The following NAV3 variants were observed in gnomAD, a reference collection of about 807,000 sequenced individuals.
NAV3 encodes pore membrane and/or filament interacting like protein 1.
NAV3 carries 87 observed loss-of-function variants against 244.7 expected under a neutral mutation model. The ratio of observed to expected loss-of-function variants is 0.36; its 90% confidence interval spans 0.30 to 0.42. NAV3 has a LOEUF of 0.42. Ranked by LOEUF, NAV3 falls within the 20% of genes least tolerant of loss-of-function variation. The probability of loss-of-function intolerance (pLI) is 1.00; values close to 1 mark genes in which losing one functional copy is unlikely to be tolerated. For missense variants in NAV3, 2,663 were observed against 2,893.3 expected, an observed-to-expected ratio of 0.92 and a Z score of 1.83; for synonymous variants, 1,126 against 1,042.2, an observed-to-expected ratio of 1.08 and a Z score of -1.55.
At chr12:78,009,157 A>G (rs1036532094) in intron 8 of NAV3, among the ~76,000 whole-genome samples, 6 of 152,194 alleles carry the variant, frequency 3.9e-5, no homozygotes, top group Non-Finnish European at 7.3e-5. Flanking sequence ...TTGAAAATGT[A>G]ACTTTTAAAT....
chr12:78,204,831 T>G (rs938285723), intron 38 of NAV3, 104 bp from the exon 39 acceptor site: 1 of 968,082 alleles, frequency 1.0e-6, no homozygotes, highest in African/African-American at 1.6e-5. Flanking sequence ...TGAAAGTCCC[T>G]TAAGAACTCA....
chr12:78,196,793 G>A (rs1959181274), intron 34 of NAV3, among the ~76,000 whole-genome samples: 1 of 151,684 alleles, frequency 6.6e-6, no homozygotes, highest in Admixed American at 6.6e-5. Flanking sequence ...AAATATTAGT[G>A]GAACCTGAGA....
Position 77,961,073 on chromosome 12 carries a change from A to G in NAV3, c.415-5156A>G, listed in dbSNP as rs546589053. On this transcript the variant is annotated intron_variant, in intron 3 of 39. Coordinates refer to ENST00000397909, the MANE Select transcript of NAV3 (RefSeq NM_001024383.2). ...GTATATGTTGCATGTATACGCATATATGTATATATGTATATGTTACATGTA... is the reference window on the plus strand; with the variant it reads ...GTATATGTTGCATGTATACGCATATGTGTATATATGTATATGTTACATGTA... 1.4e-5 allele frequency among the ~76,000 whole-genome samples: 2 copies of G among 146,238 alleles called. 1 individual carries two copies.
chr12:78,206,067 G>A (rs958283754), intron 39 of NAV3, among the ~76,000 whole-genome samples: 2 of 151,994 alleles, frequency 1.3e-5, no homozygotes, highest in African/African-American at 4.8e-5. Context: ...GGAGTTTCTT[G>A]TGGAAAACCT....
chr12:77,960,164 G>A (rs1891755718), intron 3 of NAV3, among the ~76,000 whole-genome samples: 1 of 151,864 alleles, frequency 6.6e-6, no homozygotes, highest in African/African-American at 2.4e-5. Flanking sequence ...CAGAGGAGAG[G>A]CTTAGGATGC....
At chr12:78,002,573 G>A (rs1217957164) in intron 7 of NAV3, among the ~76,000 whole-genome samples, 3 of 152,086 alleles carry the variant, frequency 2.0e-5, no homozygotes, top group African/African-American at 7.2e-5. Flanking sequence ...CTAAAACATA[G>A]ATGTCTAGCT....
At chr12:77,679,323 A>G (rs879699619) in intron 2 of NAV3, among the ~76,000 whole-genome samples, 2 of 152,194 alleles carry the variant, frequency 1.3e-5, no homozygotes, top group African/African-American at 2.4e-5. Context: ...GTTTAAAAGG[A>G]TGTGGTGCTG....
intron 2 of NAV3, among the ~76,000 whole-genome samples, chr12:77,710,506 C>T (rs1042724563): frequency 7.2e-5 from 11 of 152,044 alleles, no homozygotes; most frequent in African/African-American, 1.9e-4. Context: ...TTTTTTATAC[C>T]AGTTTTTTAA....
At chr12:78,155,867 T>C (rs554679413) in intron 22 of NAV3, among the ~76,000 whole-genome samples, 18 of 152,290 alleles carry the variant, frequency 1.2e-4, no homozygotes, top group African/African-American at 3.8e-4. Context: ...ACTTGCGCAT[T>C]TGTTGAAGTT....
intron 2 of NAV3, among the ~76,000 whole-genome samples, chr12:77,763,120 A>T (rs142603522): frequency 1.2e-3 from 188 of 152,230 alleles, no homozygotes; most frequent in African/African-American, 4.4e-3. Context: ...GTAAATATAG[A>T]CTGTACCCCT....
chr12:78,124,492 C>T (rs1240966495), intron 16 of NAV3, among the ~76,000 whole-genome samples: 1 of 152,046 alleles, frequency 6.6e-6, no homozygotes, highest in South Asian at 2.1e-4. Flanking sequence ...CTCACTCTGT[C>T]GCCCAGGCTG....
At chr12:77,902,586 A>G (rs1885436562) in intron 1 of NAV3, among the ~76,000 whole-genome samples, 1 of 152,174 alleles carries the variant, frequency 6.6e-6, no homozygotes, top group African/African-American at 2.4e-5. Flanking sequence ...CTGGCACAAG[A>G]CAGGGATGCC....
intron 22 of NAV3, among the ~76,000 whole-genome samples, chr12:78,152,142 C>G (rs907405486): frequency 6.6e-6 from 1 of 151,330 alleles, no homozygotes; most frequent in Non-Finnish European, 1.5e-5. Context: ...TTCTTACCAT[C>G]AAATACATTT....
At chr12:77,628,414 T>C (rs1871733825) in intron 2 of NAV3, among the ~76,000 whole-genome samples, 1 of 152,220 alleles carries the variant, frequency 6.6e-6, no homozygotes, top group Admixed American at 6.5e-5. Context: ...TTAAAATTCA[T>C]GATTACAAAG....
intron 2 of NAV3, among the ~76,000 whole-genome samples, chr12:77,637,391 A>C (rs11106075): frequency 1.3e-5 from 2 of 151,968 alleles, no homozygotes; most frequent in Admixed American, 6.5e-5. Context: ...CAGAAATTCT[A>C]TACTTCTTTG....
chr12:78,088,084 G>A (rs1953728652), intron 12 of NAV3, among the ~76,000 whole-genome samples: 1 of 150,252 alleles, frequency 6.7e-6, no homozygotes, highest in African/African-American at 2.4e-5. Context: ...TATTATGAAT[G>A]ACCTCATATA....
intron 2 of NAV3, among the ~76,000 whole-genome samples, chr12:77,759,229 A>G (rs773204728): frequency 6.6e-6 from 1 of 152,210 alleles, no homozygotes; most frequent in African/African-American, 2.4e-5. Context: ...AAGATTTTTC[A>G]TAACTGTTAT....
At chr12:77,905,424 A>G (rs1885865388) in intron 1 of NAV3, among the ~76,000 whole-genome samples, 1 of 152,156 alleles carries the variant, frequency 6.6e-6, no homozygotes. Context: ...TTTTAAAAAT[A>G]GAGAGGATCT....
rs112993424 is a variant in NAV3 at position 77,715,211 on chromosome 12, T to A, written c.72+142945T>A. 1.0e-3 allele frequency among the ~76,000 whole-genome samples: 154 copies of A among 152,086 alleles called. 2 individuals are homozygous for A. The highest frequency in any genetic ancestry group is 3.6e-3 in the African/African-American group (148 of 41,560). On this transcript the variant is annotated intron_variant, in intron 2 of 8. Coordinates refer to the NAV3 transcript ENST00000550042. ...TAGAAAGCATAATTTGACAATGAAA[T>A]TTAAATAAAATGGACCCAATCTTTA...
Sources: gnomAD v4.1 joint callset for allele counts (sites outside exome capture counted in the v4.1 genomes callset) on GRCh38, gnomAD v4.1.1 for gene constraint, MANE v1.5 for transcripts, NCBI Gene and HGNC (gene_info 2026-07-23, HGNC 2026-07-21) for gene names.